SSBP2: variants seen among roughly 807,000 people sequenced by gnomAD.
SSBP2 encodes single-stranded DNA-binding protein 2.
SSBP2 carries 17 observed loss-of-function variants against 61.8 expected under a neutral mutation model. That is an observed-to-expected ratio of 0.28 (90% confidence interval 0.19 to 0.41). SSBP2 has a LOEUF of 0.41. SSBP2 is among the 10% of genes least tolerant of loss of function. SSBP2 has a pLI of 1.00. For synonymous variants in SSBP2, 139 were observed against 141.3 expected (o/e 0.98, Z 0.12); for missense variants, 310 against 458.7 (o/e 0.68, Z 2.96).
chr5:81,598,716 C>T (rs1329456419), intron 4 of SSBP2, among the ~76,000 whole-genome samples: 1 of 152,166 alleles, frequency 6.6e-6, no homozygotes, highest in Non-Finnish European at 1.5e-5. Context: ...ATCAAAACTT[C>T]TTAATTGGGT....
chr5:81,500,510 G>C (rs1767626157), intron 5 of SSBP2, among the ~76,000 whole-genome samples: 1 of 152,016 alleles, frequency 6.6e-6, no homozygotes, highest in South Asian at 2.1e-4. Context: ...CGCCAGGCTG[G>C]AGTACAGTGA....
chr5:81,504,761 T>C (rs940928202), intron 5 of SSBP2, among the ~76,000 whole-genome samples: 1 of 152,212 alleles, frequency 6.6e-6, no homozygotes, highest in African/African-American at 2.4e-5. Flanking sequence ...CTAAGTTCTA[T>C]GAAGACAAGA....
chr5:81,702,990 C>A lies in SSBP2; in HGVS notation c.62+47991G>T, dbSNP rs373202745. Reference sequence around the variant, plus strand: ...TATTACACACATTCCCCACTATCTACAACAGACAAGTTGGTCATTTTAATG... The same window carrying A: ...TATTACACACATTCCCCACTATCTAAAACAGACAAGTTGGTCATTTTAATG... On this transcript the variant is annotated intron_variant, in intron 1 of 16. Transcript: ENST00000320672. Among the ~76,000 whole-genome samples the A allele has an allele frequency of 1.3e-3, 194 of 152,326 alleles. 5 individuals are homozygous for A. In the South Asian group the frequency reaches 0.04, roughly 31 times the overall value.
intron 3 of SSBP2, among the ~76,000 whole-genome samples, chr5:81,627,372 C>T (rs1425463614): frequency 6.6e-6 from 1 of 152,170 alleles, no homozygotes; most frequent in Non-Finnish European, 1.5e-5. Context: ...GTCACCTACA[C>T]TGTCTTATAC....
At chr5:81,737,229 CT>C (rs1756681118) in intron 1 of SSBP2, among the ~76,000 whole-genome samples, 1 of 151,236 alleles carries the variant, frequency 6.6e-6, no homozygotes, top group Non-Finnish European at 1.5e-5. Flanking sequence ...CACAAAACCT[CT>C]TTACAACACA....
chr5:81,654,728 A>C (rs1327562488), intron 1 of SSBP2, among the ~76,000 whole-genome samples: 3 of 152,218 alleles, frequency 2.0e-5, no homozygotes, highest in African/African-American at 7.2e-5. Flanking sequence ...GTAATAAAAG[A>C]TACTGTTTGA....
chr5:81,582,056 A>G (rs1194666438), intron 4 of SSBP2, among the ~76,000 whole-genome samples: 1 of 152,140 alleles, frequency 6.6e-6, no homozygotes, highest in Non-Finnish European at 1.5e-5. Context: ...CTTAAAGTAA[A>G]TAGCTTTTCC....
intron 10 of SSBP2, among the ~76,000 whole-genome samples, chr5:81,458,664 A>T (rs553084798): frequency 1.3e-5 from 2 of 152,234 alleles, no homozygotes; most frequent in Non-Finnish European, 2.9e-5. Flanking sequence ...GTACGAACTG[A>T]AAAGTGTTTT....
chr5:81,609,229 C>T (rs908090936), intron 4 of SSBP2, among the ~76,000 whole-genome samples: 8 of 152,186 alleles, frequency 5.3e-5, no homozygotes, highest in African/African-American at 1.9e-4. Flanking sequence ...TAGCTAAGCA[C>T]TGATACTGTG....
At chr5:81,577,823 C>T (rs191041667) in intron 4 of SSBP2, among the ~76,000 whole-genome samples, 26 of 151,788 alleles carry the variant, frequency 1.7e-4, no homozygotes, top group African/African-American at 4.8e-4. Flanking sequence ...CAATGTGATA[C>T]AAGAACTTAT....
At chr5:81,721,596 A>C (rs1755548018) in intron 1 of SSBP2, among the ~76,000 whole-genome samples, 1 of 152,148 alleles carries the variant, frequency 6.6e-6, no homozygotes, top group Non-Finnish European at 1.5e-5. Context: ...TCAACATGGA[A>C]ACTGAAAACA....
intron 14 of SSBP2, among the ~76,000 whole-genome samples, chr5:81,440,295 T>C (rs576423669): frequency 1.4e-4 from 21 of 152,270 alleles, no homozygotes; most frequent in African/African-American, 4.6e-4. Context: ...CAATGTCTCC[T>C]TTTATGGTAA....
chr5:81,473,777 A>C lies in SSBP2; in HGVS notation c.500-7T>G, dbSNP rs755457766. On this transcript the variant is annotated splice_region_variant and splice_polypyrimidine_tract_variant and intron_variant, in intron 7 of 16. Transcript: ENST00000320672. ...CCACCCATATTTGGATGTCCTAAAAAAAGTATGAAGACATTAGCAAAGTAA... is the reference window on the plus strand; with the variant it reads ...CCACCCATATTTGGATGTCCTAAAACAAGTATGAAGACATTAGCAAAGTAA... 2.5e-6 allele frequency: 4 copies of C among 1,613,758 alleles called. No homozygotes were observed. The highest frequency in any genetic ancestry group is 3.4e-6 in the Non-Finnish European group (4 of 1,179,752).
At chr5:81,569,548 A>T (rs1773687161) in intron 4 of SSBP2, among the ~76,000 whole-genome samples, 1 of 152,178 alleles carries the variant, frequency 6.6e-6, no homozygotes, top group African/African-American at 2.4e-5. Context: ...ATTTTCCCTA[A>T]ACACCTCATG....
chr5:81,440,269 C>CA (rs1762946473), intron 14 of SSBP2, among the ~76,000 whole-genome samples: 1 of 152,148 alleles, frequency 6.6e-6, no homozygotes, highest in Admixed American at 6.5e-5. Flanking sequence ...GCAAGCATGA[C>CA]ACGTGCCCAC....
At chr5:81,495,453 T>C (rs1767206491) in intron 5 of SSBP2, among the ~76,000 whole-genome samples, 1 of 152,226 alleles carries the variant, frequency 6.6e-6, no homozygotes, top group Non-Finnish European at 1.5e-5. Flanking sequence ...CGCTTTTCTC[T>C]GCCAAGTAAA....
At position 81,451,585 on chromosome 5, in the gene SSBP2, C is replaced by T. The variant is rs1050575372; in HGVS notation, c.688-2760G>A. Among the ~76,000 whole-genome samples the T allele has an allele frequency of 1.2e-4, 19 of 152,100 alleles. 1 individual carries two copies. Among genetic ancestry groups the T allele is most frequent in the Non-Finnish European group, 1.3e-4 (9 of 68,014 alleles). On this transcript the variant is annotated intron_variant, in intron 10 of 16. Transcript: ENST00000320672. ...GGGATTACAGGTGCCTGCTATCACG[C>T]CCGGCTAATTTTTGTATTTTCAGTA...
intron 4 of SSBP2, among the ~76,000 whole-genome samples, chr5:81,558,097 C>A (rs1231915463): frequency 6.6e-6 from 1 of 152,170 alleles, no homozygotes; most frequent in Non-Finnish European, 1.5e-5. Context: ...CTATCCAATA[C>A]CCTGTGAATT....
intron 10 of SSBP2, among the ~76,000 whole-genome samples, chr5:81,450,659 T>C (rs1440609051): frequency 1.3e-5 from 2 of 152,196 alleles, no homozygotes; most frequent in South Asian, 2.1e-4. Context: ...AATTACTCTA[T>C]ATTCCAACCA....
Sources: gnomAD v4.1 joint callset for allele counts (sites outside exome capture counted in the v4.1 genomes callset) on GRCh38, gnomAD v4.1.1 for gene constraint, MANE v1.5 for transcripts, NCBI Gene and HGNC (gene_info 2026-07-23, HGNC 2026-07-21) for gene names.